The following DCAF4 variants were observed in gnomAD, a reference collection of about 807,000 sequenced individuals.
DCAF4 encodes DDB1 and CUL4 associated factor 4.
Under a neutral mutation model 60.9 loss-of-function variants are expected in DCAF4, and 37 were observed. The observed-to-expected ratio is 0.61, with a 90% CI of 0.47 to 0.80. DCAF4 has a LOEUF of 0.80. DCAF4 is among the 30% of genes least tolerant of loss of function. The pLI is 0.00. For synonymous variants in DCAF4, 243 were observed against 254.8 expected, an observed-to-expected ratio of 0.95 and a Z score of 0.44; for missense variants, 577 against 650.0, an observed-to-expected ratio of 0.89 and a Z score of 1.22.
In DCAF4 at chr14:72,946,007, C is replaced by G. The variant is rs1890691182; in HGVS notation, c.658C>G (p.Leu220Val). ...PTLKVFMHEN[L>V]YFTNRKVNSV... ...GCTCAAGGTGTTCATGCACGAAAAC[C>G]TCTACTTCACCAACCGGAAGGTACG... Residue 220 changes from leucine (L) to valine (V), a missense_variant, in exon 7 of 14, where the codon CTC (leucine) becomes GTC (valine). Leu to Val is a conservative substitution (Grantham distance 32). Transcript: ENST00000358377. The G allele has an allele frequency of 1.2e-6, 2 of 1,614,092 alleles. No homozygotes were observed. Among genetic ancestry groups the G allele is most frequent in the South Asian group, 2.2e-5 (2 of 91,086 alleles).
Position 72,927,612 on chromosome 14 carries a change from A to G in DCAF4, c.-9+1069A>G, listed in dbSNP as rs189193745. On this transcript the variant is annotated intron_variant, in intron 1 of 13. Coordinates refer to ENST00000358377, the MANE Select transcript of DCAF4 (RefSeq NM_015604.4). ...GTGATCCGCCCGCCTCGGCCTCCCAAAGTGCTGGGATTACAGGCGTGAGCC... is the reference window on the plus strand; with the variant it reads ...GTGATCCGCCCGCCTCGGCCTCCCAGAGTGCTGGGATTACAGGCGTGAGCC... 4.4e-3 allele frequency among the ~76,000 whole-genome samples: 667 copies of G among 151,780 alleles called. 2 individuals are homozygous for G. The highest frequency in any genetic ancestry group is 8.6e-3 in the Admixed American group (131 of 15,262).
chr14:72,930,511 C>T lies in DCAF4; in HGVS notation c.-9+3968C>T, dbSNP rs147245834. The stretch of plus-strand genomic sequence containing the variant: ...CTTGAACTGCTGTCCTCAAGTGATC[C>T]GCCAGTCCCAGCCTCCCAAAGTGCT... On this transcript the variant is annotated intron_variant, in intron 1 of 13. Coordinates refer to ENST00000358377, the MANE Select transcript of DCAF4 (RefSeq NM_015604.4). Among the ~76,000 whole-genome samples the T allele has an allele frequency of 5.9e-5, 9 of 152,264 alleles. No individual in the cohort carries two copies. In the East Asian group the frequency reaches 1.7e-3, roughly 29 times the overall value.
chr14:72,928,380 G>C (rs1887969186), intron 1 of DCAF4, among the ~76,000 whole-genome samples: 1 of 149,372 alleles, frequency 6.7e-6, no homozygotes, highest in African/African-American at 2.5e-5. Flanking sequence ...TTTTAGTAGA[G>C]ACAGGTTTTC....
At chr14:72,935,147 C>T in intron 1 of DCAF4, 1 of 152,274 alleles carries the variant, frequency 6.6e-6, no homozygotes, top group East Asian at 1.9e-4. Flanking sequence ...AGAAGACACA[C>T]TCCCCACCCC....
At chr14:72,959,879 G>A (rs1189027224), downstream of DCAF4, among the ~76,000 whole-genome samples, 2 of 152,200 alleles carry the variant, frequency 1.3e-5, no homozygotes, top group African/African-American at 2.4e-5. Flanking sequence ...GTGGGAAGCA[G>A]CAGTAGAACA....
At chr14:72,946,154 G>T in intron 7 of DCAF4, 127 bp downstream of exon 7, 1 of 1,214,454 alleles carries the variant, frequency 8.2e-7, no homozygotes, top group Non-Finnish European at 1.1e-6. Flanking sequence ...CATAAGACTT[G>T]ATTTTTTACT....
chr14:72,930,138 TTAAA>T (rs1412045807), intron 1 of DCAF4, among the ~76,000 whole-genome samples: 6 of 152,146 alleles, frequency 3.9e-5, no homozygotes, highest in African/African-American at 9.7e-5. Context: ...GTAAATAAAA[TTAAA>T]TAAATAAAGT....
At chr14:72,961,538 C>T (rs1268181517), downstream of DCAF4, among the ~76,000 whole-genome samples, 12 of 152,176 alleles carry the variant, frequency 7.9e-5, no homozygotes, top group Non-Finnish European at 1.3e-4. Flanking sequence ...TCTCATTTCT[C>T]GTGGGAGAAA....
At chr14:72,951,146 A>G (rs1891348436) in intron 8 of DCAF4, among the ~76,000 whole-genome samples, 1 of 151,840 alleles carries the variant, frequency 6.6e-6, no homozygotes, top group African/African-American at 2.4e-5. Flanking sequence ...ACGCCCAGCT[A>G]GTTTTTGTAT....
chr14:72,953,254 C>T (rs1891680769), intron 9 of DCAF4, among the ~76,000 whole-genome samples: 1 of 151,954 alleles, frequency 6.6e-6, no homozygotes, highest in African/African-American at 2.4e-5. Context: ...CCCGCTTCGG[C>T]CTCCTAAAGT....
At chr14:72,941,956 C>T (rs1890101431) in intron 5 of DCAF4, 132 bp downstream of exon 5, 2 of 870,632 alleles carry the variant, frequency 2.3e-6, no homozygotes, top group Admixed American at 2.5e-5. Flanking sequence ...TTGAGGGGCT[C>T]CAGTTCACAC....
In DCAF4 at chr14:72,940,279, C is replaced by T. The variant is rs1335583758; in HGVS notation, c.253C>T (p.His85Tyr). 5.0e-6 allele frequency: 8 copies of T among 1,614,078 alleles called. No homozygotes were observed. The highest frequency in any genetic ancestry group is 4.2e-6 in the Non-Finnish European group (5 of 1,180,046). ...ACGCTACTTCCGCTTGCTCCCTGGA[C>T]ATAACAACTGCAACCCCCTGACGAA... ...KKRYFRLLPG[H>Y]NNCNPLTKES... is the part of the protein sequence containing the mutation. Residue 85 changes from histidine (H) to tyrosine (Y), a missense_variant, in exon 4 of 14, where the codon CAT becomes TAT. Coordinates refer to ENST00000358377, the MANE Select transcript of DCAF4 (RefSeq NM_015604.4).
Position 72,959,390 on chromosome 14 carries a change from G to A in DCAF4, c.*585G>A, listed in dbSNP as rs949250352. 20 of 985,332 alleles carry A rather than the reference G, an allele frequency of 2.0e-5. No individual in the cohort carries two copies. Among genetic ancestry groups the A allele is most frequent in the South Asian group, 4.7e-5 (1 of 21,288 alleles). The allele number at this position is 985,332 out of a possible 1,614,324, so 61.0% of individuals were successfully genotyped here. A position where few individuals can be genotyped will look rare whatever the true frequency, so the allele number is the denominator to read the frequency against. On this transcript the variant is annotated 3_prime_UTR_variant, in exon 14 of 14. Coordinates refer to ENST00000358377, the MANE Select transcript of DCAF4 (RefSeq NM_015604.4). Reference sequence around the variant, plus strand: ...GATTCTGCTGTTATTATCCAAAGGCGTTGGAAGGAAAGATGGATCTTCTTA... The same window carrying A: ...GATTCTGCTGTTATTATCCAAAGGCATTGGAAGGAAAGATGGATCTTCTTA...
intron 1 of DCAF4, among the ~76,000 whole-genome samples, chr14:72,927,911 A>G (rs1300434030): frequency 1.3e-5 from 2 of 151,594 alleles, no homozygotes; most frequent in Non-Finnish European, 2.9e-5. Flanking sequence ...ACAGTGAACA[A>G]CTCCTAACTG....
Position 72,958,799 on chromosome 14 carries a change from C to T in DCAF4, c.1482C>T (p.Tyr494=), listed in dbSNP as rs767982933. ...GGCAGGACCTTTACTGTTACTCCTA[C>T]AGCTAATTCTGCAGGGCACAGCCCA... ...AVGQDLYCYS[Y]S Residue 494 remains tyrosine, a synonymous_variant, in exon 14 of 14, where the codon TAC becomes TAT. Transcript: ENST00000358377. The T allele has an allele frequency of 3.8e-6, 6 of 1,558,514 alleles. No individual in the cohort carries two copies. The highest frequency in any genetic ancestry group is 1.7e-4 in the Middle Eastern group (1 of 5,766).
In DCAF4 at chr14:72,940,282, A is replaced by G; in HGVS notation, c.256A>G (p.Asn86Asp). The change falls in exon 4 of 14, where the codon AAC (asparagine) becomes GAC (aspartate). Residue 86 changes from asparagine to aspartate, a missense_variant. Transcript: ENST00000358377. ...CTACTTCCGCTTGCTCCCTGGACATAACAACTGCAACCCCCTGACGAAAGA... is the reference window on the plus strand; with the variant it reads ...CTACTTCCGCTTGCTCCCTGGACATGACAACTGCAACCCCCTGACGAAAGA... The part of the protein sequence containing the change: ...KRYFRLLPGH[N>D]NCNPLTKESI... 6.2e-7 allele frequency: 1 copy of G among 1,614,178 alleles called. No homozygotes were observed. Among genetic ancestry groups the G allele is most frequent in the Non-Finnish European group, 8.5e-7 (1 of 1,180,040 alleles).
Position 72,954,237 on chromosome 14 carries a change from C to A in DCAF4, c.882C>A (p.Ile294=). Residue 294 remains isoleucine, a synonymous_variant, in exon 10 of 14, where the codon ATC becomes ATA. Transcript: ENST00000358377. ...GGTCCTGTGCCTGGTCCCTGAATAT[C>A]CAAGCAAATAACTGCTTCAGTACAG... is the stretch of plus-strand genomic sequence containing the variant. ...GAWSCAWSLN[I]QANNCFSTGL... 6.2e-7 allele frequency: 1 copy of A among 1,614,208 alleles called. No homozygotes were observed. The highest frequency in any genetic ancestry group is 8.5e-7 in the Non-Finnish European group (1 of 1,180,042).
downstream of DCAF4, chr14:72,960,582 T>C (rs1478779465): frequency 4.8e-6 from 5 of 1,052,346 alleles, no homozygotes; most frequent in Middle Eastern, 2.8e-4. Context: ...TTCTGTATTC[T>C]CTTTCCCACA....
chr14:72,936,111 G>A (rs1889229697), intron 1 of DCAF4, among the ~76,000 whole-genome samples: 1 of 152,054 alleles, frequency 6.6e-6, no homozygotes, highest in Non-Finnish European at 1.5e-5. Flanking sequence ...TCTTAACACT[G>A]GCCACACGTG....
Sources: allele counts gnomAD v4.1 joint callset (sites outside exome capture counted in the v4.1 genomes callset), GRCh38; gene constraint gnomAD v4.1.1; transcripts MANE v1.5; gene names NCBI Gene and HGNC (gene_info 2026-07-23, HGNC 2026-07-21).